ADAMTS15: variants seen among roughly 807,000 people sequenced by gnomAD.
ADAMTS15 encodes the protein A disintegrin and metalloproteinase with thrombospondin motifs 15.
Under a neutral mutation model 79.1 loss-of-function variants are expected in ADAMTS15, and 35 were observed. The ratio of observed to expected loss-of-function variants is 0.44; its 90% CI spans 0.34 to 0.59. ADAMTS15 has a LOEUF of 0.59. Among genes scored for constraint, ADAMTS15 ranks in the 20% least tolerant of loss-of-function variants. The pLI, the probability that ADAMTS15 is intolerant of heterozygous loss-of-function variation, is 0.02. For synonymous variants in ADAMTS15, 616 were observed against 567.3 expected, an observed-to-expected ratio of 1.09 and a Z score of -1.22; for missense variants, 1,324 against 1,318.7, an observed-to-expected ratio of 1.00 and a Z score of -0.06.
In ADAMTS15 at chr11:130,471,317, A is replaced by G; in HGVS notation, c.2012A>G (p.Lys671Arg). The G allele has an allele frequency of 6.2e-7, 1 of 1,613,068 alleles. No individual in the cohort carries two copies. Among genetic ancestry groups the G allele is most frequent in the Non-Finnish European group, 8.5e-7 (1 of 1,179,772 alleles). ...GNLGSKKRFD[K>R]CGVCGGDNKS... is the part of the protein sequence containing the mutation. Reference sequence around the variant, plus strand: ...CTGGGCTCCAAGAAGAGATTCGACAAGTGTGGGGTGTGTGGGGGAGACAAT... The same window carrying G: ...CTGGGCTCCAAGAAGAGATTCGACAGGTGTGGGGTGTGTGGGGGAGACAAT... Residue 671 changes from lysine (K) to arginine (R), a missense_variant, in exon 7 of 8, where the codon AAG becomes AGG. Lys to Arg is a conservative substitution (Grantham distance 26). Transcript: ENST00000299164.
In ADAMTS15 at chr11:130,473,477, G is replaced by A. The variant is rs781552437; in HGVS notation, c.2509G>A (p.Asp837Asn). ...SLSNQVEQPD[D>N]RPPARWVAGS... ...CTCCAACCAGGTGGAGCAGCCGGAC[G>A]ACAGGCCCCCTGCACGCTGGGTGGC... Residue 837 changes from aspartate (D) to asparagine (N), a missense_variant, in exon 8 of 8, where the codon GAC becomes AAC. Coordinates refer to ENST00000299164, the MANE Select transcript of ADAMTS15 (RefSeq NM_139055.4). 86 of 1,611,766 alleles carry A rather than the reference G, an allele frequency of 5.3e-5. No individual in the cohort carries two copies. The highest frequency in any genetic ancestry group is 6.7e-5 in the Non-Finnish European group (79 of 1,179,372).
rs895227975 is a variant in ADAMTS15, at chr11:130,472,995, G to C, written c.2079-52G>C. On this transcript the variant is annotated intron_variant, in intron 7 of 7. Coordinates refer to ENST00000299164, the MANE Select transcript of ADAMTS15 (RefSeq NM_139055.4). The surrounding 1 kb of genome is among the most constrained non-coding windows in gnomAD (Gnocchi z 4.7). ...AGGAAAACAGATCCTGGAGCATAAG[G>C]TCCTCAGGTCCAGGCTTCTATCTGA... 3.1e-6 allele frequency: 5 copies of C among 1,589,772 alleles called. No individual in the cohort carries two copies. Among genetic ancestry groups the C allele is most frequent in the Non-Finnish European group, 4.3e-6 (5 of 1,166,632 alleles).
chr11:130,449,303 G>A lies in ADAMTS15; in HGVS notation c.330G>A (p.Glu110=), dbSNP rs921830804. ...RCFYSGDVNA[E]PDSFAAVSLC... ...TCTATTCTGGGGACGTGAACGCCGA[G>A]CCGGACTCGTTCGCTGCTGTGAGCC... The change falls in exon 1 of 8, where the codon GAG becomes GAA. Residue 110 remains glutamate, a synonymous_variant. Transcript: ENST00000299164. This position sits in a 1 kb window ranked among gnomAD's most constrained non-coding sequence, Gnocchi z 7.8. 1 of 1,611,198 alleles carries A rather than the reference G, an allele frequency of 6.2e-7. No homozygotes were observed. Among genetic ancestry groups the A allele is most frequent in the Non-Finnish European group, 8.5e-7 (1 of 1,180,024 alleles).
chr11:130,449,644 T>A lies in ADAMTS15; in HGVS notation c.671T>A (p.Val224Glu). The change falls in exon 1 of 8, where the codon GTG (valine) becomes GAG (glutamate). Residue 224 changes from valine to glutamate, a missense_variant. Transcript: ENST00000299164. This position sits in a 1 kb window ranked among gnomAD's most constrained non-coding sequence, Gnocchi z 7.8. The stretch of plus-strand genomic sequence containing the variant: ...ATCCCGCGGTACGTGGAGACGCTGG[T>A]GGTCGCGGACGAGTCAATGGTCAAG... ...VSIPRYVETL[V>E]VADESMVKFH... 1 of 1,600,208 alleles carries A rather than the reference T, an allele frequency of 6.2e-7. No individual in the cohort carries two copies. The highest frequency in any genetic ancestry group is 8.5e-7 in the Non-Finnish European group (1 of 1,173,814).
chr11:130,449,538 G>T lies in ADAMTS15; in HGVS notation c.565G>T (p.Asp189Tyr). 6.3e-7 allele frequency: 1 copy of T among 1,576,174 alleles called. No homozygotes were observed. Reference protein sequence around the residue: ...GWNPAILRALDPYKPRRAGFG... With the variant: ...GWNPAILRALYPYKPRRAGFG... Reference sequence around the variant, plus strand: ...GAACCCCGCCATCCTACGGGCCCTGGACCCTTACAAGCCGCGGCGGGCGGG... The same window carrying T: ...GAACCCCGCCATCCTACGGGCCCTGTACCCTTACAAGCCGCGGCGGGCGGG... Residue 189 changes from aspartate (D) to tyrosine (Y), a missense_variant, in exon 1 of 8, where the codon GAC becomes TAC. Asp to Tyr is a radical substitution (Grantham distance 160). Coordinates refer to ENST00000299164, the MANE Select transcript of ADAMTS15 (RefSeq NM_139055.4). The surrounding 1 kb of genome is among the most constrained non-coding windows in gnomAD (Gnocchi z 7.8).
intron 1 of ADAMTS15, among the ~76,000 whole-genome samples, chr11:130,459,025 GTTTTTTTTT>G (rs757221690): frequency 1.3e-5 from 1 of 75,408 alleles, no homozygotes; most frequent in African/African-American, 6.5e-5. Context: ...CCTCCCAAGT[GTTTTTTTTT>G]TTTTTTTTTT....
chr11:130,456,194 C>T (rs1461239131), intron 1 of ADAMTS15, among the ~76,000 whole-genome samples: 3 of 152,160 alleles, frequency 2.0e-5, no homozygotes, highest in African/African-American at 7.2e-5. Flanking sequence ...AAAACTCTCG[C>T]GACAGTCTGG....
chr11:130,471,544 C>CTCACTCATTCATTCACTCATTCAT (rs1333537194), intron 7 of ADAMTS15, among the ~76,000 whole-genome samples, 161 bp downstream of exon 7: 1 of 151,974 alleles, frequency 6.6e-6, no homozygotes, highest in Non-Finnish European at 1.5e-5. Context: ...TAGTCCTTCA[C>CTCACTCATTCATTCACTCATTCAT]TCACTCATTC....
intron 1 of ADAMTS15, among the ~76,000 whole-genome samples, chr11:130,451,776 G>A (rs559865013): frequency 3.9e-5 from 6 of 152,272 alleles, no homozygotes; most frequent in South Asian, 4.2e-4. Flanking sequence ...GGACCATGCC[G>A]TCAGAAGGAG....
At chr11:130,455,844 G>A (rs911802105) in intron 1 of ADAMTS15, among the ~76,000 whole-genome samples, 1 of 152,184 alleles carries the variant, frequency 6.6e-6, no homozygotes, top group Non-Finnish European at 1.5e-5. Context: ...CGCAGACGGT[G>A]CACTCAGAGC....
At position 130,462,736 on chromosome 11, in the gene ADAMTS15, C is replaced by A. The variant is rs1488474529; in HGVS notation, c.1498C>A (p.Leu500Ile). The change falls in exon 4 of 8, where the codon CTC becomes ATC. Residue 500 changes from leucine to isoleucine, a missense_variant. Transcript: ENST00000299164. The surrounding 1 kb of genome is among the most constrained non-coding windows in gnomAD (Gnocchi z 4.3). ...GTSCGEGKLC[L>I]KGACVERHNL... is the part of the protein sequence containing the mutation. ...CAGCTGTGGCGAGGGCAAGCTCTGC[C>A]TCAAAGGGGCCTGCGTGGAGAGACA... 2 of 1,605,390 alleles carry A rather than the reference C, an allele frequency of 1.2e-6. No homozygotes were observed. Among genetic ancestry groups the A allele is most frequent in the South Asian group, 1.1e-5 (1 of 90,756 alleles).
rs1243583708 is a variant in ADAMTS15, at chr11:130,475,168, TG to T, written c.*1351del. The T allele has an allele frequency of 6.6e-6, 1 of 152,224 alleles. No individual in the cohort carries two copies. The allele number at this position is 152,224 out of a possible 1,614,324, so 9.4% of individuals were successfully genotyped here. Reference sequence around the variant, plus strand: ...TGCTCCCCACAGCCCAGCCCCCTGTTGGGGCTCCAAAGCCGAAGACAGGGCC... The same window carrying T: ...TGCTCCCCACAGCCCAGCCCCCTGTTGGGCTCCAAAGCCGAAGACAGGGCC... On this transcript the variant is annotated 3_prime_UTR_variant, in exon 8 of 8. Transcript: ENST00000299164.
chr11:130,461,346 A>G, intron 1 of ADAMTS15, 143 bp from the exon 2 acceptor site: 1 of 1,180,574 alleles, frequency 8.5e-7, no homozygotes, highest in South Asian at 1.5e-5. Context: ...TAGGAAGAAG[A>G]GCCCAGCTGG....
At chr11:130,455,076 C>T (rs1371465190) in intron 1 of ADAMTS15, among the ~76,000 whole-genome samples, 20 of 152,070 alleles carry the variant, frequency 1.3e-4, no homozygotes, top group Admixed American at 1.2e-3. Context: ...TAGCAATGGA[C>T]ATTGCGTGAG....
At chr11:130,469,214 G>T in intron 4 of ADAMTS15, 48 bp from the exon 5 acceptor site, 1 of 1,360,708 alleles carries the variant, frequency 7.3e-7, no homozygotes, top group Non-Finnish European at 9.5e-7. Flanking sequence ...GAGGGGCTGG[G>T]TGTGGCACCT....
rs1938209633 is a variant in ADAMTS15 at position 130,462,023 on chromosome 11, A to AT, written c.1091-62dup. Reference sequence around the variant, plus strand: ...ATGGGCTTTCTAGTTCCCCTGCCCCATTCCTCCCTCCAACCCCCATGTCCT... The same window carrying AT: ...ATGGGCTTTCTAGTTCCCCTGCCCCATTTCCTCCCTCCAACCCCCATGTCCT... On this transcript the variant is annotated intron_variant, in intron 2 of 7. Coordinates refer to ENST00000299164, the MANE Select transcript of ADAMTS15 (RefSeq NM_139055.4). This position sits in a 1 kb window ranked among gnomAD's most constrained non-coding sequence, Gnocchi z 4.3. The AT allele has an allele frequency of 2.1e-6, 2 of 942,948 alleles. No homozygotes were observed. The highest frequency in any genetic ancestry group is 2.9e-5 in the South Asian group (2 of 68,522). 58.4% of individuals were successfully genotyped at this position (942,948 alleles called of 1,614,324 possible).
chr11:130,460,250 G>T (rs7935246), intron 1 of ADAMTS15, among the ~76,000 whole-genome samples: 1 of 151,748 alleles, frequency 6.6e-6, no homozygotes, highest in African/African-American at 2.4e-5. Context: ...GAGAGAACCA[G>T]CATCACTGAT....
intron 1 of ADAMTS15, chr11:130,450,233 C>T (rs1316820184): frequency 1.0e-6 from 1 of 985,468 alleles, no homozygotes; most frequent in Non-Finnish European, 1.2e-6. Flanking sequence ...AAGTTGCCGC[C>T]CCGGAGCTGC....
intron 1 of ADAMTS15, among the ~76,000 whole-genome samples, chr11:130,453,635 C>T (rs1461237130): frequency 2.0e-5 from 3 of 152,046 alleles, no homozygotes; most frequent in Admixed American, 6.6e-5. Flanking sequence ...CTATGTTAAC[C>T]AGGCTGATCT....
Sources: allele counts gnomAD v4.1 joint callset (sites outside exome capture counted in the v4.1 genomes callset), GRCh38; gene constraint gnomAD v4.1.1; non-coding constraint Gnocchi (gnomAD v3.1); transcripts MANE v1.5; gene names NCBI Gene and HGNC (gene_info 2026-07-23, HGNC 2026-07-21).